ZNF407: variants seen among roughly 807,000 people sequenced by gnomAD.
ZNF407 encodes the protein zinc finger protein 407.
In ZNF407, 17 loss-of-function variants were observed where a neutral mutation model predicts 131.2. The observed-to-expected ratio is 0.13, with a 90% confidence interval of 0.09 to 0.19. The LOEUF (loss-of-function observed/expected upper bound fraction) is 0.19. Ranked by LOEUF, ZNF407 falls within the 10% of genes least tolerant of loss-of-function variation. The pLI is 1.00. For synonymous variants in ZNF407, 1,156 were observed against 1,062.0 expected, an observed-to-expected ratio of 1.09 and a Z score of -1.72; for missense variants, 2,681 against 2,830.6, an observed-to-expected ratio of 0.95 and a Z score of 1.20.
At chr18:75,046,811 A>G (rs1025434620) in intron 8 of ZNF407, among the ~76,000 whole-genome samples, 8 of 150,902 alleles carry the variant, frequency 5.3e-5, no homozygotes, top group African/African-American at 1.7e-4. Context: ...TGTGTTTTCT[A>G]TGTAGATTCA....
chr18:74,944,353 A>G (rs1972131736), intron 8 of ZNF407, among the ~76,000 whole-genome samples: 1 of 152,328 alleles, frequency 6.6e-6, no homozygotes, highest in Middle Eastern at 3.4e-3. Flanking sequence ...TCCATGCACA[A>G]AGTGTCAGAA....
At chr18:74,856,322 C>T (rs1331121633) in intron 4 of ZNF407, among the ~76,000 whole-genome samples, 1 of 152,196 alleles carries the variant, frequency 6.6e-6, no homozygotes, top group African/African-American at 2.4e-5. Flanking sequence ...GAGCTCGGCC[C>T]CAATTCAAAT....
chr18:74,627,875 C>A (rs11875742), intron 1 of ZNF407, among the ~76,000 whole-genome samples: 1 of 104,438 alleles, frequency 9.6e-6, no homozygotes, highest in Non-Finnish European at 1.7e-5. Flanking sequence ...CTTTTCTCTT[C>A]TCTTTCCTTT....
At chr18:74,649,911 TCAGTAACCAA>T (rs923537569) in intron 3 of ZNF407, among the ~76,000 whole-genome samples, 118 of 152,350 alleles carry the variant, frequency 7.7e-4, no homozygotes, top group African/African-American at 2.7e-3. Context: ...AACTCTAGTT[TCAGTAACCAA>T]CAGTGGTGAA....
chr18:75,034,492 C>T (rs11660863), intron 8 of ZNF407, among the ~76,000 whole-genome samples: 3 of 151,406 alleles, frequency 2.0e-5, no homozygotes, highest in African/African-American at 7.3e-5. Context: ...TTAGTGGAGA[C>T]GGGGTTTCAC....
intron 4 of ZNF407, among the ~76,000 whole-genome samples, chr18:74,849,489 A>G (rs1295503814): frequency 6.6e-6 from 1 of 152,182 alleles, no homozygotes; most frequent in Non-Finnish European, 1.5e-5. Flanking sequence ...ACAGTTCCAC[A>G]GAGTATCTTC....
intron 3 of ZNF407, among the ~76,000 whole-genome samples, chr18:74,666,188 C>T (rs1005351341): frequency 6.6e-6 from 1 of 152,116 alleles, no homozygotes; most frequent in Non-Finnish European, 1.5e-5. Context: ...CTGTGTGCCC[C>T]GTTTTCAGAC....
chr18:74,857,884 T>G (rs1328674869), intron 4 of ZNF407, among the ~76,000 whole-genome samples: 1 of 150,236 alleles, frequency 6.7e-6, no homozygotes, highest in Non-Finnish European at 1.5e-5. Flanking sequence ...GTCTGGCTGT[T>G]CTTCCTCCCC....
At chr18:74,883,329 A>G (rs1210244554) in intron 6 of ZNF407, among the ~76,000 whole-genome samples, 1 of 152,210 alleles carries the variant, frequency 6.6e-6, no homozygotes, top group African/African-American at 2.4e-5. Context: ...TATTTAAGCA[A>G]CACACAACCT....
intron 8 of ZNF407, among the ~76,000 whole-genome samples, chr18:74,923,447 C>T (rs1173923728): frequency 6.6e-6 from 1 of 151,774 alleles, no homozygotes; most frequent in Non-Finnish European, 1.5e-5. Context: ...TGGTGAGTTT[C>T]GGTAAATTTT....
In ZNF407 at chr18:74,633,212, C is replaced by G. The variant is rs1984226752; in HGVS notation, c.2193C>G (p.Asp731Glu). 7 of 1,613,840 alleles carry G rather than the reference C, an allele frequency of 4.3e-6. No homozygotes were observed. The highest frequency in any genetic ancestry group is 5.9e-6 in the Non-Finnish European group (7 of 1,179,850). The change falls in exon 2 of 9, where the codon GAC (aspartate) becomes GAG (glutamate). Residue 731 changes from aspartate to glutamate, a missense_variant. This residue lies in a region of ZNF407 where 1,789 missense variants were observed against 1,748.7 expected (regional missense o/e 1.02). Transcript: ENST00000299687. ...ATATAAAGCTTCGGCATGGTCAAGA[C>G]TATCATTTTCTTTGTAAAGCTTGTA... Reference protein sequence around the residue: ...TRHIKLRHGQDYHFLCKACNL... With the variant: ...TRHIKLRHGQEYHFLCKACNL...
Position 74,634,921 on chromosome 18 carries a change from C to G in ZNF407, c.3902C>G (p.Pro1301Arg). 3 of 1,613,800 alleles carry G rather than the reference C, an allele frequency of 1.9e-6. No homozygotes were observed. The Middle Eastern group carries it at 4.9e-4, about 266-fold the overall frequency. ...GACTTGAAAGGTGTCCAAGAAGATC[C>G]CGTTCTGGGGAATAAGGAAATTCTG... Reference protein sequence around the residue: ...LEDLKGVQEDPVLGNKEILMN... With the variant: ...LEDLKGVQEDRVLGNKEILMN... The change falls in exon 2 of 9, where the codon CCC (proline) becomes CGC (arginine). Residue 1301 changes from proline (P) to arginine (R), a missense_variant. Pro to Arg is a moderately radical substitution (Grantham distance 103). Transcript: ENST00000299687.
intron 8 of ZNF407, among the ~76,000 whole-genome samples, chr18:74,973,943 T>C (rs1173745852): frequency 2.6e-5 from 4 of 152,180 alleles, no homozygotes; most frequent in African/African-American, 4.8e-5. Flanking sequence ...CTAATTAACA[T>C]CTACAATGAC....
chr18:74,631,259 G>A lies in ZNF407; in HGVS notation c.240G>A (p.Glu80=). The part of the protein sequence containing the change: ...KHASKRRKLD[E]AEPLKSGKQG... ...CTTCCAAACGCAGGAAATTAGATGAGGCAGAGCCCCTTAAATCTGGAAAGC... is the reference window on the plus strand; with the variant it reads ...CTTCCAAACGCAGGAAATTAGATGAAGCAGAGCCCCTTAAATCTGGAAAGC... Residue 80 remains glutamate, a synonymous_variant, in exon 2 of 9, where the codon GAG becomes GAA. Coordinates refer to ENST00000299687, the MANE Select transcript of ZNF407 (RefSeq NM_017757.3). 1 of 1,613,988 alleles carries A rather than the reference G, an allele frequency of 6.2e-7. No homozygotes were observed. The highest frequency in any genetic ancestry group is 8.5e-7 in the Non-Finnish European group (1 of 1,179,898).
intron 4 of ZNF407, among the ~76,000 whole-genome samples, chr18:74,814,331 A>G (rs1970238485): frequency 6.6e-6 from 1 of 151,990 alleles, no homozygotes; most frequent in African/African-American, 2.4e-5. Context: ...ACAAAGTCTC[A>G]CTATGTTGGT....
intron 8 of ZNF407, among the ~76,000 whole-genome samples, chr18:74,943,804 A>T (rs542741419): frequency 1.3e-5 from 2 of 152,226 alleles, no homozygotes; most frequent in Non-Finnish European, 2.9e-5. Context: ...AATAATTGGG[A>T]CCCTGAGGAT....
In ZNF407 at chr18:75,048,257, T is replaced by C. The variant is rs1343357907; in HGVS notation, c.5429-14893T>C. On this transcript the variant is annotated intron_variant, in intron 8 of 8. Coordinates refer to ENST00000299687, the MANE Select transcript of ZNF407 (RefSeq NM_017757.3). This position sits in a 1 kb window ranked among gnomAD's most constrained non-coding sequence, Gnocchi z 4.1. The stretch of plus-strand genomic sequence containing the variant: ...GATTTCACTGATTAATTTCGTGGTC[T>C]TTCTGGTATTATGCGTCAGAGGCCT... Among the ~76,000 whole-genome samples the C allele has an allele frequency of 6.6e-6, 1 of 152,228 alleles. No homozygotes were observed. Among genetic ancestry groups the C allele is most frequent in the Non-Finnish European group, 1.5e-5 (1 of 68,046 alleles).
chr18:74,849,357 C>G (rs925344518), intron 4 of ZNF407, among the ~76,000 whole-genome samples: 1 of 152,144 alleles, frequency 6.6e-6, no homozygotes, highest in Non-Finnish European at 1.5e-5. Context: ...GGATTACAGT[C>G]GTGAGCTACT....
chr18:74,851,934 A>G (rs372809772), intron 4 of ZNF407, among the ~76,000 whole-genome samples: 1 of 152,134 alleles, frequency 6.6e-6, no homozygotes. Flanking sequence ...GGAATGTGCA[A>G]CTCTGATTAT....
Sources: allele counts gnomAD v4.1 joint callset (sites outside exome capture counted in the v4.1 genomes callset), GRCh38; gene constraint gnomAD v4.1.1; regional missense constraint gnomAD v4.1.1; non-coding constraint Gnocchi (gnomAD v3.1); transcripts MANE v1.5; gene names NCBI Gene and HGNC (gene_info 2026-07-23, HGNC 2026-07-21).